Variants in CALN1 observed in about 807,000 individuals in gnomAD.
CALN1 encodes calneuron 1.
A neutral mutation model predicts 30.6 loss-of-function variants in CALN1; 17 were observed. That is an observed-to-expected ratio of 0.56 (90% CI 0.38 to 0.83). The LOEUF is 0.83. Among genes scored for constraint, CALN1 ranks in the 40% least tolerant of loss-of-function variants. The pLI, the probability that CALN1 is intolerant of heterozygous loss-of-function variation, is 0.00. For synonymous variants in CALN1, 156 were observed against 131.4 expected, an observed-to-expected ratio of 1.19 and a Z score of -1.28; for missense variants, 291 against 354.9, an observed-to-expected ratio of 0.82 and a Z score of 1.45.
intron 2 of CALN1, among the ~76,000 whole-genome samples, chr7:72,323,057 G>GAA (rs1175341621): frequency 8.2e-5 from 10 of 122,068 alleles, no homozygotes; most frequent in Non-Finnish European, 7.0e-5. Flanking sequence ...AAACCACACA[G>GAA]AAAAAAAAAA....
intron 3 of CALN1, among the ~76,000 whole-genome samples, chr7:72,209,523 C>A (rs1417945725): frequency 1.4e-5 from 2 of 145,868 alleles, no homozygotes; most frequent in Non-Finnish European, 3.0e-5. Flanking sequence ...CCCTTTCTTC[C>A]TTCCCTCCCT....
chr7:72,044,259 CAA>C (rs1433215836), intron 4 of CALN1, among the ~76,000 whole-genome samples: 7 of 152,096 alleles, frequency 4.6e-5, no homozygotes, highest in Non-Finnish European at 1.0e-4. Context: ...AGGATGTGCT[CAA>C]AGTTTGTGCT....
chr7:72,117,937 G>A lies in CALN1; in HGVS notation c.245-11643C>T, dbSNP rs1422782612. On this transcript the variant is annotated intron_variant, in intron 3 of 6. Coordinates refer to ENST00000395275, the MANE Select transcript of CALN1 (RefSeq NM_031468.4). ...TGCGCCACTGTACTCCAGCCTGGGC[G>A]ACAGTGCGAGACACCGTCTCAAAAA... Among the ~76,000 whole-genome samples, 4 of 144,326 alleles carry A rather than the reference G, an allele frequency of 2.8e-5. 1 individual carries two copies. The highest frequency in any genetic ancestry group is 2.1e-4 in the Admixed American group (3 of 13,960). The allele number at this position is 144,326 out of a possible 152,430, so 94.7% of individuals were successfully genotyped here. A position where few individuals can be genotyped will look rare whatever the true frequency, so the allele number is the denominator to read the frequency against.
At chr7:72,350,378 C>A (rs1435944503) in intron 2 of CALN1, among the ~76,000 whole-genome samples, 4 of 152,066 alleles carry the variant, frequency 2.6e-5, no homozygotes, top group Non-Finnish European at 4.4e-5. Context: ...ATGGAATGAA[C>A]CTAAGTACCC....
intron 5 of CALN1, among the ~76,000 whole-genome samples, chr7:71,927,111 G>T (rs555399807): frequency 3.3e-5 from 5 of 152,252 alleles, no homozygotes; most frequent in Admixed American, 2.0e-4. Flanking sequence ...CAGTACTTTT[G>T]CTTGGTCTGC....
At chr7:72,377,728 T>C (rs531136452) in intron 2 of CALN1, among the ~76,000 whole-genome samples, 23 of 152,158 alleles carry the variant, frequency 1.5e-4, no homozygotes, top group Non-Finnish European at 2.5e-4. Flanking sequence ...CTTAAACTTA[T>C]GAAACCCCAA....
intron 2 of CALN1, among the ~76,000 whole-genome samples, chr7:72,286,098 A>C (rs1280462890): frequency 6.6e-6 from 1 of 152,224 alleles, no homozygotes; most frequent in Non-Finnish European, 1.5e-5. Context: ...TCAGTGGTGC[A>C]GCCTTGAAGT....
chr7:72,030,366 C>A (rs1316285171), intron 4 of CALN1, among the ~76,000 whole-genome samples: 1 of 152,170 alleles, frequency 6.6e-6, no homozygotes, highest in Non-Finnish European at 1.5e-5. Flanking sequence ...ACATTTTCTG[C>A]AGACCTTCAG....
intron 5 of CALN1, among the ~76,000 whole-genome samples, chr7:71,962,169 G>A (rs1797279488): frequency 6.6e-6 from 1 of 151,814 alleles, no homozygotes; most frequent in African/African-American, 2.4e-5. Flanking sequence ...AAGGCTGGAG[G>A]ATCACTTGAG....
chr7:71,974,453 AAAG>A (rs1293883739), intron 5 of CALN1, among the ~76,000 whole-genome samples: 2 of 151,382 alleles, frequency 1.3e-5, no homozygotes, highest in East Asian at 3.9e-4. Context: ...GGAAAAAGAA[AAAG>A]AAAAAAAAAC....
chr7:71,892,868 AATG>A (rs1793323444), intron 5 of CALN1, among the ~76,000 whole-genome samples: 1 of 152,156 alleles, frequency 6.6e-6, no homozygotes, highest in South Asian at 2.1e-4. Flanking sequence ...CTACCTAATA[AATG>A]ACGTGAGAAC....
chr7:71,825,550 G>A (rs1788859885), intron 5 of CALN1, among the ~76,000 whole-genome samples: 1 of 152,054 alleles, frequency 6.6e-6, no homozygotes, highest in African/African-American at 2.4e-5. Flanking sequence ...TGGCTGGGGA[G>A]GCCTCTGAGA....
intron 2 of CALN1, among the ~76,000 whole-genome samples, chr7:72,334,026 C>T (rs1801842614): frequency 6.6e-6 from 1 of 152,180 alleles, no homozygotes. Flanking sequence ...TAGCCTCAAA[C>T]CGTAACTCTG....
chr7:72,369,257 G>T (rs560450231), intron 2 of CALN1, among the ~76,000 whole-genome samples: 1 of 148,028 alleles, frequency 6.8e-6, no homozygotes, highest in African/African-American at 2.5e-5. Flanking sequence ...TGGTAAACAC[G>T]TACATTACGC....
chr7:71,968,083 T>C (rs1034315731), intron 5 of CALN1, among the ~76,000 whole-genome samples: 1 of 152,162 alleles, frequency 6.6e-6, no homozygotes, highest in Admixed American at 6.6e-5. Context: ...TGCCTGTACA[T>C]GAATATTTAT....
chr7:72,186,885 CTTTTTTTTTT>C (rs34604151), intron 3 of CALN1, among the ~76,000 whole-genome samples: 3 of 61,296 alleles, frequency 4.9e-5, no homozygotes, highest in Non-Finnish European at 9.2e-5. Flanking sequence ...GAGTGCAGAG[CTTTTTTTTTT>C]TTTTTTTTTT....
At chr7:71,947,672 G>A (rs1796473666) in intron 5 of CALN1, among the ~76,000 whole-genome samples, 1 of 152,106 alleles carries the variant, frequency 6.6e-6, no homozygotes, top group African/African-American at 2.4e-5. Context: ...CGGGCATGGA[G>A]GCTCACACCT....
chr7:72,276,757 C>T (rs562126175), intron 3 of CALN1, among the ~76,000 whole-genome samples: 50 of 152,202 alleles, frequency 3.3e-4, no homozygotes, highest in African/African-American at 1.1e-3. Flanking sequence ...TCACCAGATA[C>T]CAGTGCTATG....
intron 2 of CALN1, among the ~76,000 whole-genome samples, chr7:72,312,502 G>A (rs1800123463): frequency 6.6e-6 from 1 of 151,968 alleles, no homozygotes; most frequent in East Asian, 1.9e-4. Flanking sequence ...AGACAGCGCT[G>A]GGCCACTTTG....
Sources: gnomAD v4.1 joint callset for allele counts (sites outside exome capture counted in the v4.1 genomes callset) on GRCh38, gnomAD v4.1.1 for gene constraint, MANE v1.5 for transcripts, NCBI Gene and HGNC (gene_info 2026-07-23, HGNC 2026-07-21) for gene names.